Variants in DLC1 observed in about 807,000 individuals in gnomAD.
DLC1 encodes rho GTPase-activating protein 7.
A neutral mutation model predicts 140.3 loss-of-function variants in DLC1; 54 were observed. The ratio of observed to expected loss-of-function variants is 0.38; its 90% CI spans 0.31 to 0.48. The LOEUF is 0.48. DLC1 is among the 20% of genes least tolerant of loss of function. DLC1 has a pLI of 0.96. For synonymous variants in DLC1, 986 were observed against 728.1 expected, an observed-to-expected ratio of 1.35 and a Z score of -5.70; for missense variants, 2,536 against 1,907.0, an observed-to-expected ratio of 1.33 and a Z score of -6.14.
intron 4 of DLC1, among the ~76,000 whole-genome samples, chr8:13,383,455 T>A (rs897305782): frequency 6.6e-6 from 1 of 152,184 alleles, no homozygotes. Flanking sequence ...CTGGATCTGA[T>A]TTATTTAACA....
intron 1 of DLC1, among the ~76,000 whole-genome samples, chr8:13,596,704 C>G (rs1427554553): frequency 6.6e-6 from 1 of 151,962 alleles, no homozygotes; most frequent in Non-Finnish European, 1.5e-5. Flanking sequence ...TCCTAGGAAC[C>G]TTCAGCCTCC....
In DLC1 at chr8:13,401,418, G is replaced by C. The variant is rs2306484; in HGVS notation, c.1173+52C>G. The C allele has an allele frequency of 0.25, 401,403 of 1,597,458 alleles. 53,056 individuals are homozygous for C. The highest frequency in any genetic ancestry group is 0.29 in the Admixed American group (16,819 of 58,846). ...TGCCTTTGCAAGAGGGACTGTATAA[G>C]GTCAAGAGTTACGACTCCTATGGGA... On this transcript the variant is annotated intron_variant, in intron 3 of 17. Coordinates refer to ENST00000276297, the MANE Select transcript of DLC1 (RefSeq NM_182643.3).
chr8:13,417,412 A>G (rs1838117736), intron 2 of DLC1, among the ~76,000 whole-genome samples: 3 of 124,130 alleles, frequency 2.4e-5, no homozygotes, highest in South Asian at 2.5e-4. Flanking sequence ...TCCTGTGTCC[A>G]TGTGTTCTCA....
intron 5 of DLC1, among the ~76,000 whole-genome samples, chr8:13,177,472 T>C (rs986317812): frequency 1.3e-5 from 2 of 152,228 alleles, no homozygotes; most frequent in South Asian, 4.1e-4. Context: ...CTGAGTGTAT[T>C]GTTTATAGAA....
intron 5 of DLC1, among the ~76,000 whole-genome samples, chr8:13,137,236 C>A (rs962756411): frequency 2.6e-5 from 4 of 152,150 alleles, no homozygotes; most frequent in Non-Finnish European, 5.9e-5. Flanking sequence ...TAACCTTCAA[C>A]TCATCACTCA....
At chr8:13,538,938 C>A (rs1803391866) in intron 1 of DLC1, among the ~76,000 whole-genome samples, 1 of 152,122 alleles carries the variant, frequency 6.6e-6, no homozygotes, top group African/African-American at 2.4e-5. Context: ...TTTTTTCTAT[C>A]TTTGCATTTT....
At chr8:13,385,922 A>G (rs937546300) in intron 4 of DLC1, among the ~76,000 whole-genome samples, 1 of 152,206 alleles carries the variant, frequency 6.6e-6, no homozygotes, top group African/African-American at 2.4e-5. Flanking sequence ...CTTGGAGACA[A>G]CTAGGTTTGA....
chr8:13,177,511 C>A (rs963974665), intron 5 of DLC1, among the ~76,000 whole-genome samples: 1 of 152,160 alleles, frequency 6.6e-6, no homozygotes, highest in Non-Finnish European at 1.5e-5. Flanking sequence ...TTCAATCTTA[C>A]TTCCCTCACA....
intron 6 of DLC1, among the ~76,000 whole-genome samples, chr8:13,113,702 C>T (rs182266448): frequency 2.6e-5 from 4 of 152,298 alleles, no homozygotes; most frequent in African/African-American, 9.6e-5. Flanking sequence ...GAATGCTGGT[C>T]CCCCTTTCCC....
At chr8:13,423,206 C>T (rs533300464) in intron 2 of DLC1, among the ~76,000 whole-genome samples, 76 of 152,178 alleles carry the variant, frequency 5.0e-4, no homozygotes, top group Admixed American at 1.6e-3. Context: ...TTTGTCTTTT[C>T]CAGGTCTTCA....
At chr8:13,131,119 T>A (rs1822037225) in intron 5 of DLC1, among the ~76,000 whole-genome samples, 1 of 152,200 alleles carries the variant, frequency 6.6e-6, no homozygotes, top group Admixed American at 6.5e-5. Flanking sequence ...GCTGCTGCCT[T>A]ACAGGGCACC....
chr8:13,117,907 T>C (rs1375790177), intron 5 of DLC1, among the ~76,000 whole-genome samples: 1 of 152,218 alleles, frequency 6.6e-6, no homozygotes, highest in Non-Finnish European at 1.5e-5. Context: ...AAGCAATCTT[T>C]ATATTTTTTA....
At chr8:13,561,476 G>C (rs1049715772) in intron 1 of DLC1, among the ~76,000 whole-genome samples, 1 of 152,128 alleles carries the variant, frequency 6.6e-6, no homozygotes, top group Non-Finnish European at 1.5e-5. Flanking sequence ...GCCACTACAC[G>C]TGCAGGATTT....
chr8:13,322,336 G>A (rs569128601), intron 4 of DLC1, among the ~76,000 whole-genome samples: 3 of 152,212 alleles, frequency 2.0e-5, no homozygotes, highest in Non-Finnish European at 4.4e-5. Context: ...TTGTTTGAAA[G>A]CTTCTAACTC....
intron 4 of DLC1, among the ~76,000 whole-genome samples, chr8:13,315,854 T>TG (rs1235261579): frequency 6.6e-6 from 1 of 152,226 alleles, no homozygotes; most frequent in Admixed American, 6.5e-5. Flanking sequence ...TGTTCATTTT[T>TG]GGTGACAAAG....
intron 2 of DLC1, among the ~76,000 whole-genome samples, chr8:13,491,933 C>T (rs1260785657): frequency 3.3e-5 from 5 of 152,114 alleles, no homozygotes; most frequent in Admixed American, 1.3e-4. Context: ...CTAAGCACTG[C>T]GGACACAAGG....
chr8:13,523,296 A>C (rs1204069603), intron 1 of DLC1, among the ~76,000 whole-genome samples: 2 of 152,170 alleles, frequency 1.3e-5, no homozygotes, highest in South Asian at 2.1e-4. Context: ...TTAAGAATTA[A>C]ATTTGCTATA....
rs1443800910 is a variant in DLC1, at chr8:13,319,480, G to GA, written c.1315-14179_1315-14178insT. Among the ~76,000 whole-genome samples, 86 of 104,976 alleles carry GA rather than the reference G, an allele frequency of 8.2e-4. No homozygotes were observed. The East Asian group carries it at 0.021, about 25-fold the overall frequency. 68.9% of individuals were successfully genotyped at this position (104,976 alleles called of 152,430 possible). On this transcript the variant is annotated intron_variant, in intron 4 of 17. Coordinates refer to ENST00000276297, the MANE Select transcript of DLC1 (RefSeq NM_182643.3). ...GAGGGGCCTGCTGGCGGGGCGGGGG[G>GA]GGGGGGTGGATTTCCCCCTTGCTGT...
At chr8:13,437,352 C>A (rs953762767) in intron 2 of DLC1, among the ~76,000 whole-genome samples, 1 of 152,202 alleles carries the variant, frequency 6.6e-6, no homozygotes, top group Non-Finnish European at 1.5e-5. Context: ...ATGTTGATTT[C>A]TTCTATTCCT....
Sources: gnomAD v4.1 joint callset for allele counts (sites outside exome capture counted in the v4.1 genomes callset) on GRCh38, gnomAD v4.1.1 for gene constraint, MANE v1.5 for transcripts, NCBI Gene and HGNC (gene_info 2026-07-23, HGNC 2026-07-21) for gene names.